The following TXNRD2 variants were observed in gnomAD, a reference collection of about 807,000 sequenced individuals.
TXNRD2 encodes the protein thioredoxin reductase 2, also known as thioredoxin reductase 2, mitochondrial.
A neutral mutation model predicts 70.8 loss-of-function variants in TXNRD2; 67 were observed. The observed-to-expected ratio is 0.95, with a 90% CI of 0.78 to 1.16. TXNRD2 has a LOEUF of 1.16. Ranked by LOEUF, TXNRD2 falls within the 50% of genes most tolerant of loss-of-function variation. The probability of loss-of-function intolerance (pLI) is 0.00; values close to 1 mark genes in which losing one functional copy is unlikely to be tolerated. For synonymous variants in TXNRD2, 301 were observed against 295.8 expected (o/e 1.02, Z -0.18); for missense variants, 644 against 719.9 (o/e 0.89, Z 1.21).
chr22:19,895,072 C>T (rs1255280491), intron 11 of TXNRD2: 1 of 1,593,156 alleles, frequency 6.3e-7, no homozygotes, highest in Non-Finnish European at 8.5e-7. Context: ...GCTCAAGGGC[C>T]AGGGAAGGCG....
intron 6 of TXNRD2, 42 bp from the exon 7 acceptor site, chr22:19,915,318 G>A: frequency 6.3e-7 from 1 of 1,595,924 alleles, no homozygotes; most frequent in Non-Finnish European, 8.6e-7. Flanking sequence ...ACAGGTGCAT[G>A]GTGATCACCC....
chr22:19,919,485 T>G (rs978391451), intron 3 of TXNRD2, 58 bp downstream of exon 3: 70 of 1,510,600 alleles, frequency 4.6e-5, no homozygotes, highest in Non-Finnish European at 6.2e-5. Flanking sequence ...GTACAGGAAC[T>G]GGGCCCACCT....
Position 19,880,690 on chromosome 22 carries a change from T to A in TXNRD2, c.1114A>T (p.Ile372Phe). 2 of 1,613,200 alleles carry A rather than the reference T, an allele frequency of 1.2e-6. No homozygotes were observed. Among genetic ancestry groups the A allele is most frequent in the Non-Finnish European group, 1.7e-6 (2 of 1,180,016 alleles). Residue 372 changes from isoleucine to phenylalanine, a missense_variant, in exon 13 of 18, where the codon ATC becomes TTC. Transcript: ENST00000400521. ...TGCACCAGGAGCCTCCCGGCCATGATCGCTATGGGTGTCAGCTCAGGCCGC... is the reference window on the plus strand; with the variant it reads ...TGCACCAGGAGCCTCCCGGCCATGAACGCTATGGGTGTCAGCTCAGGCCGC... ...EGRPELTPIA[I>F]MAGRLLVQRL... is the part of the protein sequence containing the mutation.
intron 8 of TXNRD2, among the ~76,000 whole-genome samples, chr22:19,905,260 T>C (rs1478830657): frequency 6.6e-6 from 1 of 152,184 alleles, no homozygotes; most frequent in Non-Finnish European, 1.5e-5. Flanking sequence ...GACTGATACA[T>C]TGCAAACACT....
chr22:19,935,261 T>C lies in TXNRD2; in HGVS notation c.104-4163A>G, dbSNP rs1310587583. 2.6e-4 allele frequency among the ~76,000 whole-genome samples: 39 copies of C among 151,988 alleles called. 1 individual carries two copies. On this transcript the variant is annotated intron_variant, in intron 1 of 17. Transcript: ENST00000400521. ...GGTCTGTAAACGGCCACTCTGGGAGTGTCTGTCTTATGCGGTTGAGATAAG... is the reference window on the plus strand; with the variant it reads ...GGTCTGTAAACGGCCACTCTGGGAGCGTCTGTCTTATGCGGTTGAGATAAG...
At position 19,898,138 on chromosome 22, in the gene TXNRD2, G is replaced by A. The variant is rs1293330723; in HGVS notation, c.683-8C>T. On this transcript the variant is annotated splice_polypyrimidine_tract_variant and splice_region_variant and intron_variant, in intron 9 of 17. Transcript: ENST00000400521. ...CACACTCCAGGGCCACATCTGTGGG[G>A]TGCCAGCTAAGGAGCACTGTAGATC... 6.4e-7 allele frequency: 1 copy of A among 1,556,596 alleles called. No homozygotes were observed. Among genetic ancestry groups the A allele is most frequent in the Non-Finnish European group, 8.7e-7 (1 of 1,150,206 alleles).
intron 7 of TXNRD2, among the ~76,000 whole-genome samples, chr22:19,914,168 A>T (rs750089282): frequency 6.6e-6 from 1 of 152,282 alleles, no homozygotes; most frequent in Non-Finnish European, 1.5e-5. Flanking sequence ...CATTGTGGAA[A>T]ACAGTCTGAG....
intron 2 of TXNRD2, among the ~76,000 whole-genome samples, chr22:19,922,413 T>C (rs1354331514): frequency 6.6e-6 from 1 of 152,218 alleles, no homozygotes; most frequent in Non-Finnish European, 1.5e-5. Flanking sequence ...GTCTTTGTTG[T>C]TCCGGGTCCT....
In TXNRD2 at chr22:19,895,506, C is replaced by G. The variant is rs201177571; in HGVS notation, c.850G>C (p.Val284Leu). Residue 284 changes from valine (V) to leucine (L), a missense_variant, in exon 11 of 18, where the codon GTC becomes CTC. Coordinates refer to ENST00000400521, the MANE Select transcript of TXNRD2 (RefSeq NM_006440.5). ...RFLRGCAPSR[V>L]RRLPDGQLQV... Reference sequence around the variant, plus strand: ...AGCTGGCCATCAGGGAGCCTCCTGACCCGCGAGGGGGCACAGCCCCTCAGG... The same window carrying G: ...AGCTGGCCATCAGGGAGCCTCCTGAGCCGCGAGGGGGCACAGCCCCTCAGG... 9.8e-5 allele frequency: 158 copies of G among 1,613,832 alleles called. No homozygotes were observed. The highest frequency in any genetic ancestry group is 1.2e-4 in the Non-Finnish European group (146 of 1,180,040).
chr22:19,878,508 G>A, intron 14 of TXNRD2, 71 bp from the exon 15 acceptor site: 1 of 1,336,874 alleles, frequency 7.5e-7, no homozygotes, highest in Non-Finnish European at 1.1e-6. Flanking sequence ...AGCTCCCACA[G>A]GCTGCATGGG....
Position 19,918,737 on chromosome 22 carries a change from CT to C in TXNRD2, c.374+122del, listed in dbSNP as rs1940750115. 9.7e-6 allele frequency: 12 copies of C among 1,239,258 alleles called. No individual in the cohort carries two copies. In the South Asian group the frequency reaches 1.5e-4, roughly 15 times the overall value. The allele number at this position is 1,239,258 out of a possible 1,614,324, so 76.8% of individuals were successfully genotyped here. On this transcript the variant is annotated intron_variant, in intron 4 of 17. Coordinates refer to ENST00000400521, the MANE Select transcript of TXNRD2 (RefSeq NM_006440.5). ...TGAGGCAGACAGCGCAGAGTCGCCC[CT>C]GGCTGAGAAACCCATCCTACGGCCC...
rs1341680173 is a variant in TXNRD2, at chr22:19,895,457, G to A, written c.899C>T (p.Thr300Ile). 1 of 1,613,874 alleles carries A rather than the reference G, an allele frequency of 6.2e-7. No individual in the cohort carries two copies. The highest frequency in any genetic ancestry group is 2.2e-5 in the East Asian group (1 of 44,900). ...GGTGCCCGTGTCCTCCTTGCCGGTG[G>A]TGCTGTCCTCCCAGGTGACCTGCAG... is the stretch of plus-strand genomic sequence containing the variant. ...GQLQVTWEDS[T>I]TGKEDTGTFD... Residue 300 changes from threonine (T) to isoleucine (I), a missense_variant, in exon 11 of 18, where the codon ACC becomes ATC. Physicochemically the swap from Thr to Ile is moderately conservative, Grantham distance 89 (BLOSUM62 -1). Around this residue, in one of 3 missense-constraint regions of TXNRD2, gnomAD observed 566 missense variants for 645.0 expected, o/e 0.88. Transcript: ENST00000400521.
rs181931257 is a variant in TXNRD2, at chr22:19,876,660, G to A, written c.*65+380C>T. ...GAGCCAGGCCTTGGTGGGAGGCCTC[G>A]GTGGGAGGCCAGCTTCCCGACTGCA... On this transcript the variant is annotated intron_variant, in intron 17 of 17. Coordinates refer to ENST00000400521, the MANE Select transcript of TXNRD2 (RefSeq NM_006440.5). The A allele has an allele frequency of 2.2e-3, 338 of 155,456 alleles. 2 individuals are homozygous for A. The highest frequency in any genetic ancestry group is 7.8e-3 in the African/African-American group (324 of 41,658). The allele number at this position is 155,456 out of a possible 1,614,324, so 9.6% of individuals were successfully genotyped here.
intron 7 of TXNRD2, among the ~76,000 whole-genome samples, chr22:19,912,663 C>T (rs1341992205): frequency 6.6e-6 from 1 of 152,172 alleles, no homozygotes; most frequent in Non-Finnish European, 1.5e-5. Flanking sequence ...GCAGCAGCTG[C>T]CTTGAACAAC....
Position 19,941,587 on chromosome 22 carries a change from C to A in TXNRD2, c.103+114G>T, listed in dbSNP as rs1045575419. The A allele has an allele frequency of 1.3e-5, 17 of 1,330,764 alleles. No homozygotes were observed. In the South Asian group the frequency reaches 2.1e-4, roughly 17 times the overall value. 82.4% of individuals were successfully genotyped at this position (1,330,764 alleles called of 1,614,324 possible). On this transcript the variant is annotated intron_variant, in intron 1 of 17. Transcript: ENST00000400521. Reference sequence around the variant, plus strand: ...AGACCAAGAGGCCGGTATGTGGACACCCCCGCGTGGGCACCCCCACGGGGA... The same window carrying A: ...AGACCAAGAGGCCGGTATGTGGACAACCCCGCGTGGGCACCCCCACGGGGA...
Position 19,937,104 on chromosome 22 carries a change from G to A in TXNRD2, c.103+4597C>T, listed in dbSNP as rs974355597. The stretch of plus-strand genomic sequence containing the variant: ...TATAGACTGCGACCTTTTGGCAAAA[G>A]CTGTTCTAACTCCATCTCAGCATTT... On this transcript the variant is annotated intron_variant, in intron 1 of 17. Transcript: ENST00000400521. Among the ~76,000 whole-genome samples the A allele has an allele frequency of 5.9e-5, 9 of 152,308 alleles. No homozygotes were observed. The South Asian group carries it at 1.4e-3, about 25-fold the overall frequency.
At position 19,918,900 on chromosome 22, in the gene TXNRD2, T is replaced by C. The variant is rs938188699; in HGVS notation, c.334A>G (p.Asn112Asp). 17 of 1,612,314 alleles carry C rather than the reference T, an allele frequency of 1.1e-5. No individual in the cohort carries two copies. The East Asian group carries it at 3.8e-4, about 36-fold the overall frequency. Residue 112 changes from asparagine to aspartate, a missense_variant, in exon 4 of 18, where the codon AAC becomes GAC. By Grantham distance (23) the Asn-to-Asp change is conservative (BLOSUM62 1). Around this residue, in one of 3 missense-constraint regions of TXNRD2, gnomAD observed 566 missense variants for 645.0 expected, o/e 0.88. Coordinates refer to ENST00000400521, the MANE Select transcript of TXNRD2 (RefSeq NM_006440.5). ...LLGGLIQDAP[N>D]YGWEVAQPVP... ...GGCTGGGCCACCTCCCAGCCATAGT[T>C]GGGGGCATCTTGGATCAGGCCTCCC...
At position 19,880,652 on chromosome 22, in the gene TXNRD2, G is replaced by A. The variant is rs766934707; in HGVS notation, c.1152C>T (p.Gly384=). 18 of 1,613,258 alleles carry A rather than the reference G, an allele frequency of 1.1e-5. No individual in the cohort carries two copies. Among genetic ancestry groups the A allele is most frequent in the African/African-American group, 9.3e-5 (7 of 74,938 alleles). The part of the protein sequence containing the change: ...AGRLLVQRLF[G]GSSDLMDYDN... ...CGTAGTCCATCAGATCTGAGGACCC[G>A]CCGAAGAGCCGCTGCACCAGGAGCC... The change falls in exon 13 of 18, where the codon GGC becomes GGT. Residue 384 remains glycine, a synonymous_variant. Transcript: ENST00000400521.
At chr22:19,882,109 G>T (rs1399422978) in intron 12 of TXNRD2, among the ~76,000 whole-genome samples, 1 of 152,178 alleles carries the variant, frequency 6.6e-6, no homozygotes, top group Non-Finnish European at 1.5e-5. Context: ...GTCACATGAC[G>T]ATGAGGCAGA....
Sources: gnomAD v4.1 joint callset for allele counts (sites outside exome capture counted in the v4.1 genomes callset) on GRCh38, gnomAD v4.1.1 for gene constraint, gnomAD v4.1.1 regional missense constraint, MANE v1.5 for transcripts, NCBI Gene and HGNC (gene_info 2026-07-23, HGNC 2026-07-21) for gene names.